Variants in NRXN3 observed in about 807,000 individuals in gnomAD.
NRXN3 encodes the protein neurexin 3.
A neutral mutation model predicts 137.6 loss-of-function variants in NRXN3; 32 were observed. That is an observed-to-expected ratio of 0.23 (90% CI 0.18 to 0.31). The LOEUF is 0.31. Among genes scored for constraint, NRXN3 ranks in the 10% least tolerant of loss-of-function variants. The pLI, the probability that NRXN3 is intolerant of heterozygous loss-of-function variation, is 1.00. For synonymous variants in NRXN3, 798 were observed against 784.5 expected (o/e 1.02, Z -0.29); for missense variants, 1,574 against 2,062.5 (o/e 0.76, Z 4.59).
At chr14:78,948,715 G>C (rs2099377157) in intron 10 of NRXN3, among the ~76,000 whole-genome samples, 1 of 136,970 alleles carries the variant, frequency 7.3e-6, no homozygotes, top group Non-Finnish European at 1.5e-5. Context: ...TTTAAAGAAA[G>C]CCCAGGTTAT....
intron 15 of NRXN3, among the ~76,000 whole-genome samples, chr14:79,229,148 T>C (rs1458916129): frequency 6.6e-6 from 1 of 152,212 alleles, no homozygotes; most frequent in Non-Finnish European, 1.5e-5. Context: ...TTATACTTGC[T>C]TGAGTAAACA....
At chr14:79,670,571 C>A (rs751568815) in intron 17 of NRXN3, among the ~76,000 whole-genome samples, 14 of 152,156 alleles carry the variant, frequency 9.2e-5, no homozygotes, top group Middle Eastern at 3.4e-3. Context: ...AAAGTACTGG[C>A]TAGAGGTATG....
chr14:78,562,035 G>A (rs540688108), intron 4 of NRXN3, among the ~76,000 whole-genome samples: 53 of 152,266 alleles, frequency 3.5e-4, no homozygotes, highest in Admixed American at 3.2e-3. Flanking sequence ...TTAAGAGGTA[G>A]ACTCTCTCTC....
At chr14:78,647,414 G>A (rs2097698212) in intron 5 of NRXN3, among the ~76,000 whole-genome samples, 1 of 152,198 alleles carries the variant, frequency 6.6e-6, no homozygotes. Context: ...CATGTGTGGT[G>A]GCTAAATATG....
intron 2 of NRXN3, among the ~76,000 whole-genome samples, chr14:78,261,077 T>G (rs1463314095): frequency 1.3e-5 from 2 of 152,182 alleles, no homozygotes; most frequent in Non-Finnish European, 2.9e-5. Context: ...AGCATCTGTC[T>G]AAGGAAAGAG....
chr14:79,139,452 G>C (rs574885174), intron 15 of NRXN3, among the ~76,000 whole-genome samples: 1 of 152,056 alleles, frequency 6.6e-6, no homozygotes, highest in South Asian at 2.1e-4. Context: ...GAGATTTATG[G>C]GTTTCACTTA....
intron 19 of NRXN3, among the ~76,000 whole-genome samples, chr14:79,796,392 T>C (rs940974558): frequency 6.6e-6 from 1 of 152,176 alleles, no homozygotes; most frequent in Non-Finnish European, 1.5e-5. Flanking sequence ...TCAATACTCC[T>C]CTTCCCTCTG....
At chr14:78,819,274 A>C (rs934671650) in intron 10 of NRXN3, among the ~76,000 whole-genome samples, 8 of 152,214 alleles carry the variant, frequency 5.3e-5, no homozygotes, top group African/African-American at 1.9e-4. Flanking sequence ...CTGTAAGTAC[A>C]GTTGGTCCTC....
intron 15 of NRXN3, among the ~76,000 whole-genome samples, chr14:79,109,771 A>G (rs1427036909): frequency 6.6e-6 from 1 of 152,186 alleles, no homozygotes; most frequent in East Asian, 1.9e-4. Context: ...AGAATATTAG[A>G]CATATTTATA....
At chr14:79,796,651 G>T (rs1307811877) in intron 19 of NRXN3, among the ~76,000 whole-genome samples, 2 of 152,138 alleles carry the variant, frequency 1.3e-5, no homozygotes, top group African/African-American at 4.8e-5. Flanking sequence ...TTTTTCTACT[G>T]TTAATTAAAT....
chr14:79,420,290 A>G (rs1600041646), intron 15 of NRXN3, among the ~76,000 whole-genome samples: 1 of 152,220 alleles, frequency 6.6e-6, no homozygotes, highest in East Asian at 1.9e-4. Flanking sequence ...CATGTAAAAT[A>G]GAAATGAATG....
At chr14:78,248,890 T>G (rs2068136711) in intron 2 of NRXN3, among the ~76,000 whole-genome samples, 1 of 152,156 alleles carries the variant, frequency 6.6e-6, no homozygotes, top group Non-Finnish European at 1.5e-5. Flanking sequence ...AGGTTTTCCA[T>G]GGGACCAGCC....
In NRXN3 at chr14:78,243,832, C is replaced by T. The variant is rs1421259625; in HGVS notation, c.709+30C>T. On this transcript the variant is annotated intron_variant, in intron 2 of 20. Transcript: ENST00000335750. This position sits in a 1 kb window ranked among gnomAD's most constrained non-coding sequence, Gnocchi z 4.2. ...GACCCTCTCCCTCTCTTGCTAGAGACCCACCCACGGGATGGCTGAGGCTGG... is the reference window on the plus strand; with the variant it reads ...GACCCTCTCCCTCTCTTGCTAGAGATCCACCCACGGGATGGCTGAGGCTGG... 5 of 1,504,954 alleles carry T rather than the reference C, an allele frequency of 3.3e-6. No individual in the cohort carries two copies. The East Asian group carries it at 6.8e-5, about 20-fold the overall frequency. The allele number at this position is 1,504,954 out of a possible 1,614,324, so 93.2% of individuals were successfully genotyped here.
chr14:79,259,116 G>T (rs2077176526), intron 15 of NRXN3, among the ~76,000 whole-genome samples: 2 of 152,120 alleles, frequency 1.3e-5, no homozygotes, highest in Non-Finnish European at 2.9e-5. Context: ...GCTATACAGG[G>T]GAGAATCGCA....
chr14:78,662,548 C>G (rs2097850015), intron 6 of NRXN3, among the ~76,000 whole-genome samples: 1 of 152,084 alleles, frequency 6.6e-6, no homozygotes, highest in Non-Finnish European at 1.5e-5. Context: ...CAAGTAGAGA[C>G]TGGGCAACCA....
intron 15 of NRXN3, among the ~76,000 whole-genome samples, chr14:79,240,593 T>C (rs2074111903): frequency 6.6e-6 from 1 of 152,180 alleles, no homozygotes; most frequent in Admixed American, 6.5e-5. Flanking sequence ...AAGAATAAAC[T>C]CAATGCACAC....
intron 1 of NRXN3, among the ~76,000 whole-genome samples, chr14:78,201,783 G>A (rs2153395562): frequency 6.6e-6 from 1 of 152,338 alleles, no homozygotes; most frequent in East Asian, 1.9e-4. Context: ...GTGAGACAGA[G>A]CAGTGGGCAG....
intron 4 of NRXN3, among the ~76,000 whole-genome samples, chr14:78,545,189 G>A (rs1600230985): frequency 6.6e-6 from 1 of 152,190 alleles, no homozygotes; most frequent in Non-Finnish European, 1.5e-5. Flanking sequence ...GAGCAATAGG[G>A]TGCATTGCTA....
chr14:78,973,196 A>G (rs1032320763), intron 14 of NRXN3, among the ~76,000 whole-genome samples: 2 of 152,182 alleles, frequency 1.3e-5, no homozygotes, highest in Admixed American at 6.5e-5. Context: ...ACATAAACAT[A>G]TTAATTTACT....
Sources: gnomAD v4.1 joint callset for allele counts (sites outside exome capture counted in the v4.1 genomes callset) on GRCh38, gnomAD v4.1.1 for gene constraint, Gnocchi (gnomAD v3.1) non-coding constraint, MANE v1.5 for transcripts, NCBI Gene and HGNC (gene_info 2026-07-23, HGNC 2026-07-21) for gene names.